The following PCDH15 variants were observed in gnomAD, a reference collection of about 807,000 sequenced individuals.
The protein encoded by PCDH15 is protocadherin-15.
In PCDH15, 129 loss-of-function variants were observed where a neutral mutation model predicts 178.5. The ratio of observed to expected loss-of-function variants is 0.72; its 90% CI spans 0.63 to 0.84. The LOEUF (loss-of-function observed/expected upper bound fraction) is 0.84. PCDH15 is among the 40% of genes least tolerant of loss of function. The probability of loss-of-function intolerance (pLI) is 0.00; values close to 1 mark genes in which losing one functional copy is unlikely to be tolerated. For synonymous variants in PCDH15, 800 were observed against 732.0 expected, an observed-to-expected ratio of 1.09 and a Z score of -1.50; for missense variants, 2,230 against 2,099.9, an observed-to-expected ratio of 1.06 and a Z score of -1.21.
intron 21 of PCDH15, among the ~76,000 whole-genome samples, chr10:53,974,495 AACT>A (rs1473913907): frequency 3.9e-5 from 6 of 152,242 alleles, no homozygotes; most frequent in African/African-American, 7.2e-5. Context: ...AAATTTTATA[AACT>A]ACTAACCTGT....
intron 3 of PCDH15, among the ~76,000 whole-genome samples, chr10:54,424,238 A>G (rs1281710110): frequency 1.3e-5 from 2 of 152,010 alleles, no homozygotes; most frequent in East Asian, 1.9e-4. Flanking sequence ...ACATTTATGC[A>G]GTCAACAGAC....
chr10:54,794,466 GC>G (rs1951762995), intron 1 of PCDH15, among the ~76,000 whole-genome samples: 1 of 151,738 alleles, frequency 6.6e-6, no homozygotes, highest in Non-Finnish European at 1.5e-5. Context: ...TTATAAATAT[GC>G]CTGAAATGTT....
chr10:54,207,160 C>T (rs138242652), intron 10 of PCDH15, among the ~76,000 whole-genome samples: 1 of 152,096 alleles, frequency 6.6e-6, no homozygotes, highest in Admixed American at 6.6e-5. Context: ...TATTCAACTG[C>T]TACATTCTAT....
chr10:55,181,621 C>A (rs1225117096), intron 1 of PCDH15, among the ~76,000 whole-genome samples: 1 of 151,828 alleles, frequency 6.6e-6, no homozygotes, highest in Non-Finnish European at 1.5e-5. Context: ...TTTTAAAGAT[C>A]TTGAACTGTT....
rs1312989872 is a variant in PCDH15, at chr10:54,033,815, C to T, written c.2221-10618G>A. Among the ~76,000 whole-genome samples the T allele has an allele frequency of 2.0e-5, 3 of 151,846 alleles. No homozygotes were observed. The East Asian group carries it at 5.8e-4, about 29-fold the overall frequency. ...TGCTTATTGAATATGTGACATTTTG[C>T]TTATCAGGTGTTTTTATAGGTCCTA... On this transcript the variant is annotated intron_variant, in intron 18 of 37. Transcript: ENST00000644397.
chr10:54,836,404 T>C (rs1316837301), intron 3 of PCDH15, among the ~76,000 whole-genome samples: 1 of 152,100 alleles, frequency 6.6e-6, no homozygotes, highest in African/African-American at 2.4e-5. Flanking sequence ...CCCACACTCA[T>C]AGCTGTACAG....
At chr10:55,069,848 G>T (rs577544358) in intron 2 of PCDH15, among the ~76,000 whole-genome samples, 1 of 151,718 alleles carries the variant, frequency 6.6e-6, no homozygotes, top group East Asian at 1.9e-4. Flanking sequence ...CTGAGGAACC[G>T]CCACACTGAC....
At chr10:54,653,197 G>A (rs898467012) in intron 2 of PCDH15, among the ~76,000 whole-genome samples, 6 of 152,004 alleles carry the variant, frequency 3.9e-5, no homozygotes, top group East Asian at 3.9e-4. Context: ...CATCTAACAC[G>A]GTTACCTTTC....
At chr10:54,312,345 G>A (rs1183818222) in intron 8 of PCDH15, among the ~76,000 whole-genome samples, 1 of 152,002 alleles carries the variant, frequency 6.6e-6, no homozygotes. Context: ...AAAACCTGAT[G>A]CCAGTACTAA....
intron 8 of PCDH15, among the ~76,000 whole-genome samples, chr10:54,280,677 A>G (rs1182479221): frequency 2.0e-5 from 3 of 151,780 alleles, no homozygotes; most frequent in Non-Finnish European, 2.9e-5. Flanking sequence ...CGTATTCTCT[A>G]AAGTCTTCAT....
At chr10:54,591,427 G>T (rs577688572) in intron 2 of PCDH15, among the ~76,000 whole-genome samples, 1 of 152,230 alleles carries the variant, frequency 6.6e-6, no homozygotes, top group South Asian at 2.1e-4. Flanking sequence ...AAGGGACGTG[G>T]GTGGCCACTA....
intron 2 of PCDH15, among the ~76,000 whole-genome samples, chr10:55,109,983 T>G (rs1321423094): frequency 1.3e-5 from 2 of 151,584 alleles, no homozygotes; most frequent in Non-Finnish European, 2.9e-5. Flanking sequence ...AACATAATTC[T>G]TTCACATATT....
chr10:54,271,362 C>T (rs1176685803), intron 8 of PCDH15, among the ~76,000 whole-genome samples: 3 of 151,954 alleles, frequency 2.0e-5, no homozygotes, highest in Non-Finnish European at 4.4e-5. Flanking sequence ...AAGCAGGAGC[C>T]CCCACGCCCG....
chr10:54,796,272 A>ATC lies in PCDH15; in HGVS notation c.-29+4652_-29+4653insGA, dbSNP rs1564482362. ...TATCTATCTATCTATCTATCTATCT[A>ATC]TGTATCTATGTATCTATCTATCTAT... On this transcript the variant is annotated intron_variant, in intron 1 of 37. Transcript: ENST00000644397. Among the ~76,000 whole-genome samples the ATC allele has an allele frequency of 5.9e-4, 59 of 99,728 alleles. 1 individual carries two copies. Among genetic ancestry groups the ATC allele is most frequent in the Non-Finnish European group, 9.2e-4 (45 of 48,844 alleles). 65.4% of individuals were successfully genotyped at this position (99,728 alleles called of 152,430 possible).
chr10:54,289,324 A>T lies in PCDH15; in HGVS notation c.876+27947T>A, dbSNP rs530518349. On this transcript the variant is annotated intron_variant, in intron 8 of 37. Transcript: ENST00000644397. The stretch of plus-strand genomic sequence containing the variant: ...CTAACAAAGGAATAGCATCAACATC[A>T]ACAAAGCAGAAAGGAATAGCATCAA... Among the ~76,000 whole-genome samples the T allele has an allele frequency of 2.6e-5, 4 of 152,360 alleles. No homozygotes were observed. The East Asian group carries it at 7.7e-4, about 29-fold the overall frequency.
At chr10:55,178,600 G>C (rs1378227859) in intron 1 of PCDH15, among the ~76,000 whole-genome samples, 1 of 152,114 alleles carries the variant, frequency 6.6e-6, no homozygotes, top group East Asian at 1.9e-4. Flanking sequence ...AAGATCACTG[G>C]AATAGATTCT....
chr10:54,130,880 A>C (rs563853893), intron 15 of PCDH15, among the ~76,000 whole-genome samples: 1 of 152,260 alleles, frequency 6.6e-6, no homozygotes, highest in Non-Finnish European at 1.5e-5. Context: ...GAGCTTTTCA[A>C]CTTTTAGGTC....
chr10:54,640,114 A>G (rs1311542566), intron 2 of PCDH15, among the ~76,000 whole-genome samples: 2 of 152,174 alleles, frequency 1.3e-5, no homozygotes, highest in Non-Finnish European at 2.9e-5. Context: ...AATAAAAACC[A>G]GTTAGAAAAC....
At chr10:55,185,055 AC>A (rs1204095988) in intron 1 of PCDH15, among the ~76,000 whole-genome samples, 3 of 151,894 alleles carry the variant, frequency 2.0e-5, no homozygotes, top group African/African-American at 7.2e-5. Flanking sequence ...AGGTAAAATA[AC>A]TTGCTTTTGT....
Sources: allele counts gnomAD v4.1 joint callset (sites outside exome capture counted in the v4.1 genomes callset), GRCh38; gene constraint gnomAD v4.1.1; transcripts MANE v1.5; gene names NCBI Gene and HGNC (gene_info 2026-07-23, HGNC 2026-07-21).